ATP10D: variants seen among roughly 807,000 people sequenced by gnomAD.
The protein encoded by ATP10D is ATPase phospholipid transporting 10D (putative), also known as phospholipid-transporting ATPase VD.
In ATP10D, 89 loss-of-function variants were observed where a neutral mutation model predicts 144.8. The observed-to-expected ratio is 0.61, with a 90% confidence interval of 0.52 to 0.73. The LOEUF is 0.73. Among genes scored for constraint, ATP10D ranks in the 30% least tolerant of loss-of-function variants. ATP10D has a pLI of 0.00. For missense variants in ATP10D, 1,603 were observed against 1,714.8 expected, an observed-to-expected ratio of 0.93 and a Z score of 1.15; for synonymous variants, 571 against 615.1, an observed-to-expected ratio of 0.93 and a Z score of 1.06.
At chr4:47,590,967 G>A (rs528426703) in intron 22 of ATP10D, 75 bp from the exon 23 acceptor site, 89 of 1,084,758 alleles carry the variant, frequency 8.2e-5, no homozygotes, top group Middle Eastern at 3.2e-4. Context: ...TTTTTAATTC[G>A]TTAGTATTTG....
chr4:47,522,977 AT>A (rs769706533), intron 3 of ATP10D, 34 bp from the exon 4 acceptor site: 148 of 1,491,564 alleles, frequency 9.9e-5, no homozygotes, highest in Non-Finnish European at 1.3e-4. Context: ...TTCACTTGAT[AT>A]TCTTTTTTTT....
chr4:47,582,338 A>G (rs1379423750), intron 21 of ATP10D, among the ~76,000 whole-genome samples: 1 of 152,152 alleles, frequency 6.6e-6, no homozygotes, highest in East Asian at 1.9e-4. Context: ...GGGATATTTA[A>G]CCTTCATTCT....
At chr4:47,561,453 A>G (rs1267729621) in intron 14 of ATP10D, among the ~76,000 whole-genome samples, 2 of 152,126 alleles carry the variant, frequency 1.3e-5, no homozygotes, top group Non-Finnish European at 2.9e-5. Flanking sequence ...TTGAATTCTC[A>G]CAACAAATCT....
At chr4:47,581,914 CA>C (rs762735350) in intron 20 of ATP10D, 45 bp from the exon 21 acceptor site, 3 of 1,489,454 alleles carry the variant, frequency 2.0e-6, no homozygotes, top group Non-Finnish European at 2.8e-6. Context: ...TTACCCACAC[CA>C]AGTTGCACAA....
At chr4:47,493,013 A>G (rs1191336615) in intron 1 of ATP10D, among the ~76,000 whole-genome samples, 2 of 152,172 alleles carry the variant, frequency 1.3e-5, no homozygotes, top group East Asian at 3.8e-4. Context: ...TTCAGGGGCT[A>G]AATTCTTTCC....
At chr4:47,497,412 G>A (rs765566708) in intron 1 of ATP10D, among the ~76,000 whole-genome samples, 1 of 152,182 alleles carries the variant, frequency 6.6e-6, no homozygotes, top group Admixed American at 6.5e-5. Context: ...CTGAGATTGC[G>A]CCGTTGCACT....
chr4:47,546,896 T>A lies in ATP10D; in HGVS notation c.1635+34T>A, dbSNP rs753303151. Reference sequence around the variant, plus strand: ...GAATGCATGACTAGAGTCTTGCACATCCACAATGTATGATGAGAGAACAGC... The same window carrying A: ...GAATGCATGACTAGAGTCTTGCACAACCACAATGTATGATGAGAGAACAGC... On this transcript the variant is annotated intron_variant, in intron 10 of 22. Coordinates refer to ENST00000273859, the MANE Select transcript of ATP10D (RefSeq NM_020453.4). The A allele has an allele frequency of 3.9e-6, 6 of 1,552,132 alleles. No individual in the cohort carries two copies. In the East Asian group the frequency reaches 1.3e-4, roughly 35 times the overall value.
intron 5 of ATP10D, 24 bp from the exon 6 acceptor site, chr4:47,535,485 A>G (rs1160140064): frequency 1.1e-5 from 18 of 1,578,890 alleles, no homozygotes; most frequent in Non-Finnish European, 1.5e-5. Context: ...TTAAAAGTGA[A>G]TTTATATGCT....
intron 16 of ATP10D, among the ~76,000 whole-genome samples, chr4:47,569,409 C>G (rs954941254): frequency 6.6e-6 from 1 of 152,180 alleles, no homozygotes; most frequent in African/African-American, 2.4e-5. Flanking sequence ...ACCCCCAAAT[C>G]AACAAGCTTA....
intron 19 of ATP10D, among the ~76,000 whole-genome samples, chr4:47,577,904 G>A (rs1329916811): frequency 1.3e-5 from 2 of 152,204 alleles, no homozygotes; most frequent in African/African-American, 2.4e-5. Flanking sequence ...TTTGTCCCAC[G>A]CCCCAGGCAT....
chr4:47,577,541 C>T (rs940111766), intron 19 of ATP10D, among the ~76,000 whole-genome samples: 12 of 151,972 alleles, frequency 7.9e-5, no homozygotes, highest in African/African-American at 1.5e-4. Context: ...GAAGATAATA[C>T]GGTACAACTT....
At chr4:47,545,655 G>A (rs898987904) in intron 9 of ATP10D, among the ~76,000 whole-genome samples, 4 of 152,182 alleles carry the variant, frequency 2.6e-5, no homozygotes, top group Non-Finnish European at 5.9e-5. Context: ...TGTGTAAGTC[G>A]TTAAGTTTGA....
chr4:47,547,214 G>A (rs944945205), intron 10 of ATP10D: 1 of 257,394 alleles, frequency 3.9e-6, no homozygotes, highest in Non-Finnish European at 7.5e-6. Flanking sequence ...TTATCTCGTA[G>A]TCAGATAAGC....
At chr4:47,490,226 A>G (rs1577600430) in intron 1 of ATP10D, among the ~76,000 whole-genome samples, 1 of 152,194 alleles carries the variant, frequency 6.6e-6, no homozygotes, top group African/African-American at 2.4e-5. Flanking sequence ...CTTCTTCTTT[A>G]CTAAATTCTT....
rs749286393 is a variant in ATP10D at position 47,523,084 on chromosome 4, C to T, written c.558C>T (p.Asn186=). 4.3e-6 allele frequency: 7 copies of T among 1,613,464 alleles called. No homozygotes were observed. Among genetic ancestry groups the T allele is most frequent in the East Asian group, 4.5e-5 (2 of 44,854 alleles). The change falls in exon 4 of 23, where the codon AAC becomes AAT. Residue 186 remains asparagine, a synonymous_variant. Transcript: ENST00000273859. ...TVGDFIRLSC[N]EVIPADMVLL... ...GGGACTTTATTCGCCTCTCCTGCAA[C>T]GAGGTCATCCCTGCAGACATGGTAC...
rs1029627950 is a variant in ATP10D at position 47,581,962 on chromosome 4, C to T, written c.3651C>T (p.Thr1217=). 1 of 1,612,890 alleles carries T rather than the reference C, an allele frequency of 6.2e-7. No homozygotes were observed. Among genetic ancestry groups the T allele is most frequent in the African/African-American group, 1.3e-5 (1 of 74,902 alleles). Residue 1217 remains threonine (T), a splice_region_variant and synonymous_variant, in exon 21 of 23, where the codon ACC becomes ACT. Coordinates refer to ENST00000273859, the MANE Select transcript of ATP10D (RefSeq NM_020453.4). Reference sequence around the variant, plus strand: ...CATCTAATGTCCTCTCTTTGTAGACCTACCAGGGCTCAGATACTGACATCT... The same window carrying T: ...CATCTAATGTCCTCTCTTTGTAGACTTACCAGGGCTCAGATACTGACATCT... The part of the protein sequence containing the change: ...SLVCFFVPYF[T]YQGSDTDIFA...
chr4:47,587,149 T>C lies in ATP10D; in HGVS notation c.3884T>C (p.Leu1295Pro), dbSNP rs747031885. 6.2e-7 allele frequency: 1 copy of C among 1,614,120 alleles called. No homozygotes were observed. Among genetic ancestry groups the C allele is most frequent in the Non-Finnish European group, 8.5e-7 (1 of 1,179,956 alleles). ...TACTGGATTATGCAGGAGCACATGCTGGATCCAGTATTCTACTTAGTTTGT... is the reference window on the plus strand; with the variant it reads ...TACTGGATTATGCAGGAGCACATGCCGGATCCAGTATTCTACTTAGTTTGT... ...NPYWIMQEHM[L>P]DPVFYLVCIL... The change falls in exon 22 of 23, where the codon CTG becomes CCG. Residue 1295 changes from leucine to proline, a missense_variant. Transcript: ENST00000273859.
intron 1 of ATP10D, among the ~76,000 whole-genome samples, chr4:47,509,965 T>C (rs1207242866): frequency 6.6e-6 from 1 of 151,392 alleles, no homozygotes; most frequent in Non-Finnish European, 1.5e-5. Context: ...TGTGTGTGTG[T>C]GTGTGTGTGT....
intron 1 of ATP10D, among the ~76,000 whole-genome samples, chr4:47,488,292 T>C (rs1163775157): frequency 6.6e-6 from 1 of 151,962 alleles, no homozygotes; most frequent in East Asian, 1.9e-4. Flanking sequence ...TAAAATATAA[T>C]TTTGAAATAA....
Sources: allele counts gnomAD v4.1 joint callset (sites outside exome capture counted in the v4.1 genomes callset), GRCh38; gene constraint gnomAD v4.1.1; transcripts MANE v1.5; gene names NCBI Gene and HGNC (gene_info 2026-07-23, HGNC 2026-07-21).